The following LAMP2 variants were observed in gnomAD, a reference collection of about 807,000 sequenced individuals.
LAMP2 encodes the protein lysosome-associated membrane glycoprotein 2.
A neutral mutation model predicts 25.6 loss-of-function variants in LAMP2; 4 were observed. The observed-to-expected ratio is 0.16, with a 90% confidence interval of 0.08 to 0.36. The LOEUF is 0.36. Ranked by LOEUF, LAMP2 falls within the 10% of genes least tolerant of loss-of-function variation. The pLI, the probability that LAMP2 is intolerant of heterozygous loss-of-function variation, is 1.00. For missense variants in LAMP2, 272 were observed against 301.4 expected, an observed-to-expected ratio of 0.90 and a Z score of 0.72; for synonymous variants, 108 against 112.7, an observed-to-expected ratio of 0.96 and a Z score of 0.27.
rs1199019695 is a variant in LAMP2 at position 120,446,370 on chromosome X, A to G, written c.799T>C (p.Ser267Pro). 8.3e-7 allele frequency: 1 copy of G among 1,203,381 alleles called. No homozygotes were observed. Among genetic ancestry groups the G allele is most frequent in the East Asian group, 3.0e-5 (1 of 33,825 alleles). Residue 267 changes from serine (S) to proline (P), a missense_variant, in exon 6 of 9, where the codon TCT (serine) becomes CCT (proline). Ser to Pro is a moderately conservative substitution (Grantham distance 74, BLOSUM62 -1). Coordinates refer to ENST00000200639, the MANE Select transcript of LAMP2 (RefSeq NM_002294.3). ...TTGAGTCTAAGTAGAGCAGTGTGAG[A>G]ACGGCAGCTGCCTGTGGAGTGAGTT... ...NTTHSTGSCR[S>P]HTALLRLNSS... is the part of the protein sequence containing the mutation.
chrX:120,457,134 T>C (rs1050825543), intron 1 of LAMP2, among the ~76,000 whole-genome samples: 2 of 111,585 alleles, frequency 1.8e-5, no homozygotes, highest in Non-Finnish European at 3.8e-5. Flanking sequence ...CATTTATACC[T>C]TACTAGTTTT....
In LAMP2 at chrX:120,427,573, A is replaced by G. The variant is rs983789027; in HGVS notation, c.*3750T>C. On this transcript the variant is annotated 3_prime_UTR_variant, in exon 9 of 9. Transcript: ENST00000200639. ...GCTGTGAGAAAAAAGAAATCAATAT[A>G]TTAAAAATATCAACTAGAGCATATT... Among the ~76,000 whole-genome samples, 15 of 112,181 alleles carry G rather than the reference A, an allele frequency of 1.3e-4. No homozygotes were observed. Among genetic ancestry groups the G allele is most frequent in the African/African-American group, 4.9e-4 (15 of 30,885 alleles).
chrX:120,455,815 A>C (rs1473408630), intron 2 of LAMP2, among the ~76,000 whole-genome samples: 1 of 108,190 alleles, frequency 9.2e-6, no homozygotes, highest in Non-Finnish European at 1.9e-5. Flanking sequence ...CTGATTTTTT[A>C]AAAAATTAGG....
At chrX:120,436,170 A>ACACACACACACT (rs1251901451) in intron 8 of LAMP2, among the ~76,000 whole-genome samples, 10 of 57,307 alleles carry the variant, frequency 1.7e-4, no homozygotes, top group African/African-American at 4.5e-4. Context: ...ACACACACAC[A>ACACACACACACT]CTCTCTCTCT....
At chrX:120,448,438 C>A (rs954995501) in intron 4 of LAMP2, among the ~76,000 whole-genome samples, 1 of 112,536 alleles carries the variant, frequency 8.9e-6, no homozygotes, top group Non-Finnish European at 1.9e-5. Flanking sequence ...TAGAAAAAAG[C>A]TTAGAAATCA....
In LAMP2 at chrX:120,469,132, C is replaced by T. The variant is rs1569374472; in HGVS notation, c.38G>A (p.Gly13Glu). The T allele has an allele frequency of 1.6e-6, 2 of 1,212,290 alleles. No homozygotes were observed. Among genetic ancestry groups the T allele is most frequent in the Admixed American group, 4.3e-5 (2 of 46,116 alleles). Residue 13 changes from glycine (G) to glutamate (E), a missense_variant, in exon 1 of 9, where the codon GGG (glycine) becomes GAG (glutamate). By Grantham distance (98) the Gly-to-Glu change is moderately conservative. Coordinates refer to ENST00000200639, the MANE Select transcript of LAMP2 (RefSeq NM_002294.3). Reference sequence around the variant, plus strand: ...CAGGACTAGGCAGACCAGAACGAGCCCTGAGCCCGGAACCGGGAAGAGGCG... The same window carrying T: ...CAGGACTAGGCAGACCAGAACGAGCTCTGAGCCCGGAACCGGGAAGAGGCG... ...CFRLFPVPGS[G>E]LVLVCLVLGA...
chrX:120,455,444 T>C lies in LAMP2; in HGVS notation c.310A>G (p.Lys104Glu). ...TCAATTGAATAAGTAGATGCTGCCT[T>C]GGTAAAATTCGCAATCCAGGAAAAG... ...PGFSWIANFT[K>E]AASTYSIDSV... The change falls in exon 3 of 9, where the codon AAG becomes GAG. Residue 104 changes from lysine (K) to glutamate (E), a missense_variant. Physicochemically the swap from Lys to Glu is moderately conservative, Grantham distance 56. Transcript: ENST00000200639. 3 of 1,210,653 alleles carry C rather than the reference T, an allele frequency of 2.5e-6. No individual in the cohort carries two copies. Among genetic ancestry groups the C allele is most frequent in the Non-Finnish European group, 2.2e-6 (2 of 894,636 alleles).
At chrX:120,444,673 T>G (rs1360781174) in intron 6 of LAMP2, among the ~76,000 whole-genome samples, 3 of 112,050 alleles carry the variant, frequency 2.7e-5, no homozygotes, top group Non-Finnish European at 5.6e-5. Flanking sequence ...GCCTACAGAA[T>G]CGAGTTCAAA....
At chrX:120,465,397 T>G (rs767221162) in intron 1 of LAMP2, among the ~76,000 whole-genome samples, 1 of 111,697 alleles carries the variant, frequency 9.0e-6, no homozygotes, top group East Asian at 2.8e-4. Flanking sequence ...CTGAAATCTA[T>G]GATATCACAA....
At chrX:120,438,226 TAAGAAA>T (rs1457693917) in intron 8 of LAMP2, 1 of 746,604 alleles carries the variant, frequency 1.3e-6, no homozygotes, top group African/African-American at 2.3e-5. Flanking sequence ...TGGCATTTCT[TAAGAAA>T]AAGAAAATAA....
intron 5 of LAMP2, among the ~76,000 whole-genome samples, chrX:120,447,225 G>C (rs763773599): frequency 4.5e-5 from 5 of 110,721 alleles, no homozygotes; most frequent in Non-Finnish European, 9.5e-5. Flanking sequence ...GGCCAAGATG[G>C]TAAAAACCCA....
chrX:120,437,681 C>A (rs1326968278), intron 8 of LAMP2: 11 of 747,042 alleles, frequency 1.5e-5, no homozygotes, highest in Non-Finnish European at 1.7e-5. Flanking sequence ...ATGATTCTAC[C>A]ATAATGAATA....
chrX:120,429,580 G>A lies in LAMP2; in HGVS notation c.*1743C>T, dbSNP rs1329883195. ...GTAGCAAACAGAGATTAAAATAGAA[G>A]TGTTTTGGTATATTACTACTGAAAA... On this transcript the variant is annotated 3_prime_UTR_variant, in exon 9 of 9. Coordinates refer to ENST00000200639, the MANE Select transcript of LAMP2 (RefSeq NM_002294.3). 5 of 744,594 alleles carry A rather than the reference G, an allele frequency of 6.7e-6. No individual in the cohort carries two copies. Among genetic ancestry groups the A allele is most frequent in the Non-Finnish European group, 7.9e-6 (5 of 633,075 alleles). 61.4% of individuals were successfully genotyped at this position (744,594 alleles called of 1,213,427 possible).
intron 8 of LAMP2, among the ~76,000 whole-genome samples, chrX:120,440,512 A>G (rs757111259): frequency 1.1e-4 from 12 of 112,332 alleles, no homozygotes; most frequent in African/African-American, 3.9e-4. Flanking sequence ...TAAATGCTGT[A>G]TATCTCTTTG....
At chrX:120,450,375 C>T (rs1169233945) in intron 3 of LAMP2, among the ~76,000 whole-genome samples, 2 of 111,649 alleles carry the variant, frequency 1.8e-5, no homozygotes, top group Non-Finnish European at 3.8e-5. Flanking sequence ...CTTGGCACCC[C>T]CTAATGGCCA....
intron 1 of LAMP2, among the ~76,000 whole-genome samples, chrX:120,466,679 A>AT (rs1188411623): frequency 2.7e-5 from 3 of 111,623 alleles, no homozygotes; most frequent in Non-Finnish European, 5.6e-5. Flanking sequence ...TATGTGAGTC[A>AT]TATGTATTGG....
At position 120,456,660 on chromosome X, in the gene LAMP2, A is replaced by AT; in HGVS notation, c.173dup (p.Asn58LysfsTer2). 9.4e-7 allele frequency: 1 copy of AT among 1,063,859 alleles called. No individual in the cohort carries two copies. Among genetic ancestry groups the AT allele is most frequent in the Non-Finnish European group, 1.3e-6 (1 of 769,326 alleles). 87.7% of individuals were successfully genotyped at this position (1,063,859 alleles called of 1,213,427 possible). On this transcript the variant is annotated frameshift_variant, in exon 2 of 9. Coordinates refer to ENST00000200639, the MANE Select transcript of LAMP2 (RefSeq NM_002294.3). LOFTEE classifies it high-confidence loss of function. ...TAAAATATATACTTACATAAGTTTT[A>AT]TTTGTAGTTTCATAGCGTACTGTGA...
At chrX:120,442,524 G>T in intron 7 of LAMP2, 75 bp downstream of exon 7, 1 of 838,545 alleles carries the variant, frequency 1.2e-6, no homozygotes, top group Non-Finnish European at 1.8e-6. Context: ...GCACTATTTG[G>T]TAATAAGACC....
rs2058500882 is a variant in LAMP2, at chrX:120,426,865, T to C, written c.*4458A>G. On this transcript the variant is annotated 3_prime_UTR_variant, in exon 9 of 9. Coordinates refer to ENST00000200639, the MANE Select transcript of LAMP2 (RefSeq NM_002294.3). ...TAGCAAATAGAGGAGAGTGTGAATC[T>C]GTATGTCAGAGCTATAGAGTTCTAG... 8.9e-6 allele frequency among the ~76,000 whole-genome samples: 1 copy of C among 112,538 alleles called. No individual in the cohort carries two copies. Among genetic ancestry groups the C allele is most frequent in the African/African-American group, 3.2e-5 (1 of 30,989 alleles).
Sources: allele counts gnomAD v4.1 joint callset (sites outside exome capture counted in the v4.1 genomes callset), GRCh38; gene constraint gnomAD v4.1.1; transcripts MANE v1.5; gene names NCBI Gene and HGNC (gene_info 2026-07-23, HGNC 2026-07-21).